TENM3: variants seen among roughly 807,000 people sequenced by gnomAD.
The protein encoded by TENM3 is teneurin transmembrane protein 3, also known as teneurin-3.
A neutral mutation model predicts 255.1 loss-of-function variants in TENM3; 63 were observed. The ratio of observed to expected loss-of-function variants is 0.25; its 90% CI spans 0.20 to 0.30. TENM3 has a LOEUF of 0.30. Ranked by LOEUF, TENM3 falls within the 10% of genes least tolerant of loss-of-function variation. The pLI is 1.00. For synonymous variants in TENM3, 1,306 were observed against 1,322.3 expected (o/e 0.99, Z 0.27); for missense variants, 2,929 against 3,461.1 (o/e 0.85, Z 3.86).
chr4:181,672,118 T>C, the TENM3 span, among the ~76,000 whole-genome samples: 1 of 152,172 alleles, frequency 6.6e-6, no homozygotes, highest in African/African-American at 2.4e-5. Context: ...TGTACTATCA[T>C]GATAAAAACG....
At chr4:181,697,283 A>G in the TENM3 span, among the ~76,000 whole-genome samples, 2 of 152,110 alleles carry the variant, frequency 1.3e-5, no homozygotes, top group Non-Finnish European at 2.9e-5. Context: ...CCTGCAACAT[A>G]TGACCGATTT....
At chr4:181,765,885 A>G in the TENM3 span, among the ~76,000 whole-genome samples, 156 of 152,322 alleles carry the variant, frequency 1.0e-3, no homozygotes, top group African/African-American at 3.7e-3. Flanking sequence ...GCACTAGTGT[A>G]ATTTACCATA....
At chr4:182,059,015 G>A in the TENM3 span, among the ~76,000 whole-genome samples, 1 of 150,330 alleles carries the variant, frequency 6.7e-6, no homozygotes, top group Non-Finnish European at 1.5e-5. Context: ...AGCAGAAAGA[G>A]ATCAGAAATT....
chr4:181,500,053 A>G, the TENM3 span, among the ~76,000 whole-genome samples: 2 of 119,138 alleles, frequency 1.7e-5, no homozygotes, highest in Admixed American at 1.5e-4. Flanking sequence ...TTTGAGACAG[A>G]GTTTCACTCT....
the TENM3 span, among the ~76,000 whole-genome samples, chr4:181,872,389 AG>A: frequency 1.3e-5 from 2 of 151,862 alleles, no homozygotes; most frequent in African/African-American, 4.8e-5. Flanking sequence ...TTGTGTCATG[AG>A]GGTTTGTTGT....
chr4:182,073,206 A>G, the TENM3 span, among the ~76,000 whole-genome samples: 1 of 152,208 alleles, frequency 6.6e-6, no homozygotes, highest in African/African-American at 2.4e-5. Flanking sequence ...GAGTGCAAGC[A>G]AGCAGGGGAA....
chr4:182,574,910 T>A (rs1180168295), intron 3 of TENM3, among the ~76,000 whole-genome samples: 1 of 152,196 alleles, frequency 6.6e-6, no homozygotes, highest in Non-Finnish European at 1.5e-5. Context: ...AAGCCTTACA[T>A]CTGGCTGTCT....
chr4:182,139,807 C>A (rs1167599799), upstream of TENM3, among the ~76,000 whole-genome samples: 1 of 152,154 alleles, frequency 6.6e-6, no homozygotes, highest in African/African-American at 2.4e-5. Flanking sequence ...GCATTTCCAC[C>A]GAAGGTCGGA....
chr4:182,000,193 G>A, the TENM3 span, among the ~76,000 whole-genome samples: 3 of 152,174 alleles, frequency 2.0e-5, no homozygotes, highest in East Asian at 3.9e-4. Context: ...CTGTGTAGCT[G>A]TTCAGTGAAA....
the TENM3 span, among the ~76,000 whole-genome samples, chr4:181,538,470 G>T: frequency 6.3e-4 from 96 of 152,064 alleles, 2 homozygotes; most frequent in African/African-American, 2.3e-3. Context: ...GGGGAGGGGG[G>T]CGTGGTGGTT....
chr4:181,471,224 T>C, the TENM3 span, among the ~76,000 whole-genome samples: 1 of 152,234 alleles, frequency 6.6e-6, no homozygotes, highest in South Asian at 2.1e-4. Context: ...GTCTAGAATT[T>C]ACATTTACCA....
At chr4:182,718,868 G>A (rs1759421428) in intron 13 of TENM3, among the ~76,000 whole-genome samples, 1 of 152,120 alleles carries the variant, frequency 6.6e-6, no homozygotes. Flanking sequence ...CCAAATGATG[G>A]TCTCACTATG....
At chr4:181,562,389 A>G in the TENM3 span, among the ~76,000 whole-genome samples, 27 of 152,296 alleles carry the variant, frequency 1.8e-4, no homozygotes, top group South Asian at 2.1e-4. Context: ...AATAAAATAC[A>G]TTGGTATAAG....
the TENM3 span, among the ~76,000 whole-genome samples, chr4:181,814,789 G>T: frequency 6.6e-6 from 1 of 152,046 alleles, no homozygotes; most frequent in Non-Finnish European, 1.5e-5. Flanking sequence ...GCAAACATTT[G>T]GGACTAGCAA....
chr4:182,665,567 A>AT (rs1223324784), intron 6 of TENM3, among the ~76,000 whole-genome samples: 26 of 152,070 alleles, frequency 1.7e-4, no homozygotes, highest in African/African-American at 6.0e-4. Context: ...ATAGATAGTG[A>AT]TTTTCCTGTG....
the TENM3 span, among the ~76,000 whole-genome samples, chr4:182,052,322 T>A: frequency 0.018 from 2,774 of 152,006 alleles, 100 homozygotes; most frequent in African/African-American, 0.064. Flanking sequence ...AAGAGCATAG[T>A]GTCAATGAGA....
the TENM3 span, among the ~76,000 whole-genome samples, chr4:181,613,724 T>C: frequency 6.6e-6 from 1 of 152,232 alleles, no homozygotes; most frequent in African/African-American, 2.4e-5. Flanking sequence ...TTTATTCAGA[T>C]AAACCACTGG....
At chr4:182,101,129 AG>A in the TENM3 span, among the ~76,000 whole-genome samples, 1 of 105,134 alleles carries the variant, frequency 9.5e-6, no homozygotes, top group African/African-American at 3.8e-5. Context: ...GAAGGAAAGA[AG>A]GAAGGAAGGA....
At chr4:181,802,447 C>T in the TENM3 span, among the ~76,000 whole-genome samples, 3 of 152,096 alleles carry the variant, frequency 2.0e-5, no homozygotes, top group African/African-American at 4.8e-5. Context: ...TCATTGTTTT[C>T]AGAGCCAAGA....
Sources: gnomAD v4.1 joint callset for allele counts (sites outside exome capture counted in the v4.1 genomes callset) on GRCh38, gnomAD v4.1.1 for gene constraint, MANE v1.5 for transcripts, NCBI Gene and HGNC (gene_info 2026-07-23, HGNC 2026-07-21) for gene names.